Variants in ZBTB38 observed in about 807,000 individuals in gnomAD.
ZBTB38 encodes zinc finger and BTB domain-containing protein 38.
ZBTB38 carries 20 observed loss-of-function variants against 76.8 expected under a neutral mutation model. The observed-to-expected ratio is 0.26, with a 90% CI of 0.18 to 0.38. The LOEUF (loss-of-function observed/expected upper bound fraction) is 0.38, where lower values mean the gene tolerates loss of function less well. Ranked by LOEUF, ZBTB38 falls within the 10% of genes least tolerant of loss-of-function variation. The pLI, the probability that ZBTB38 is intolerant of heterozygous loss-of-function variation, is 1.00. For synonymous variants in ZBTB38, 504 were observed against 544.2 expected, an observed-to-expected ratio of 0.93 and a Z score of 1.03; for missense variants, 1,082 against 1,482.3, an observed-to-expected ratio of 0.73 and a Z score of 4.43.
At chr3:141,337,582 A>G (rs1943051523) in intron 1 of ZBTB38, among the ~76,000 whole-genome samples, 1 of 152,250 alleles carries the variant, frequency 6.6e-6, no homozygotes, top group African/African-American at 2.4e-5. Context: ...CTGCACTGAA[A>G]TGGATTCATT....
intron 5 of ZBTB38, among the ~76,000 whole-genome samples, chr3:141,416,209 G>A (rs2074013803): frequency 6.6e-6 from 1 of 152,248 alleles, no homozygotes; most frequent in African/African-American, 2.4e-5. Flanking sequence ...CAGAATCTTA[G>A]AGAGGAAATT....
At chr3:141,393,598 CA>C (rs1045133732) in intron 4 of ZBTB38, among the ~76,000 whole-genome samples, 1 of 152,064 alleles carries the variant, frequency 6.6e-6, no homozygotes, top group African/African-American at 2.4e-5. Flanking sequence ...ATCTGGGAAG[CA>C]AAATGGGGAG....
intron 5 of ZBTB38, among the ~76,000 whole-genome samples, chr3:141,404,621 G>A (rs929540444): frequency 2.0e-5 from 3 of 152,118 alleles, no homozygotes; most frequent in African/African-American, 4.8e-5. Flanking sequence ...ACCATTTGTC[G>A]AGCATTTGTG....
chr3:141,335,954 A>C (rs2148893114), intron 1 of ZBTB38, among the ~76,000 whole-genome samples: 1 of 152,340 alleles, frequency 6.6e-6, no homozygotes. Context: ...CACAAGTGTC[A>C]AAGGGTATGA....
chr3:141,346,782 T>TTTTTTGTGTGTGTG (rs150173767), intron 1 of ZBTB38, among the ~76,000 whole-genome samples: 2,791 of 144,628 alleles, frequency 0.019, 41 homozygotes, highest in Non-Finnish European at 0.029. Flanking sequence ...TTGTTTTGTT[T>TTTTTTGTGTGTGTG]TGTGTGTGTG....
intron 1 of ZBTB38, among the ~76,000 whole-genome samples, chr3:141,340,442 G>C (rs1943139185): frequency 6.6e-6 from 1 of 152,096 alleles, no homozygotes; most frequent in African/African-American, 2.4e-5. Context: ...AGACGACTAA[G>C]AAGACAATTC....
chr3:141,330,754 T>A (rs973105610), intron 1 of ZBTB38, among the ~76,000 whole-genome samples: 5 of 152,192 alleles, frequency 3.3e-5, no homozygotes, highest in African/African-American at 9.6e-5. Flanking sequence ...AGTGGATTAA[T>A]CCATTCATGG....
At chr3:141,414,968 T>G (rs1335977466) in intron 5 of ZBTB38, among the ~76,000 whole-genome samples, 1 of 152,146 alleles carries the variant, frequency 6.6e-6, no homozygotes, top group Non-Finnish European at 1.5e-5. Flanking sequence ...CCTTTCTTTC[T>G]CGGTGCTGAG....
chr3:141,360,738 G>A (rs1377233522), intron 1 of ZBTB38, among the ~76,000 whole-genome samples: 2 of 152,048 alleles, frequency 1.3e-5, no homozygotes, highest in East Asian at 1.9e-4. Flanking sequence ...TGTTGGGGTC[G>A]GGGGGCTGTC....
chr3:141,388,734 A>G (rs756823786), intron 4 of ZBTB38: 1 of 152,218 alleles, frequency 6.6e-6, no homozygotes, highest in Non-Finnish European at 1.5e-5. Flanking sequence ...TTCCTCTCAT[A>G]TAGAATCTGA....
chr3:141,394,581 G>C (rs966681841), intron 4 of ZBTB38: 4 of 152,170 alleles, frequency 2.6e-5, no homozygotes, highest in African/African-American at 9.7e-5. Flanking sequence ...CCCAAAGTCA[G>C]GTTGCCCACT....
chr3:141,383,902 G>A (rs1168140857), intron 3 of ZBTB38, among the ~76,000 whole-genome samples: 1 of 152,228 alleles, frequency 6.6e-6, no homozygotes. Context: ...CGAGGAGGCT[G>A]ATGAGAAGCA....
chr3:141,435,635 C>T (rs1256520817), intron 5 of ZBTB38, among the ~76,000 whole-genome samples: 1 of 151,998 alleles, frequency 6.6e-6, no homozygotes, highest in Non-Finnish European at 1.5e-5. Context: ...TGGCACACAC[C>T]TGTAATCCCA....
chr3:141,334,465 C>T (rs1308821773), intron 1 of ZBTB38, among the ~76,000 whole-genome samples: 4 of 146,324 alleles, frequency 2.7e-5, no homozygotes, highest in Non-Finnish European at 6.0e-5. Context: ...TCCTTCCTTC[C>T]TTCCTTCCTT....
intron 5 of ZBTB38, among the ~76,000 whole-genome samples, chr3:141,409,180 G>A (rs932506788): frequency 1.3e-5 from 2 of 152,236 alleles, no homozygotes; most frequent in East Asian, 3.8e-4. Context: ...CAAGTAGCTG[G>A]CATTACAGGC....
At chr3:141,402,325 G>T (rs1000920983) in intron 4 of ZBTB38, 1 of 151,774 alleles carries the variant, frequency 6.6e-6, no homozygotes, top group Non-Finnish European at 1.5e-5. Context: ...GGGCCGGGCC[G>T]GCAGAGCCGA....
intron 5 of ZBTB38, among the ~76,000 whole-genome samples, chr3:141,431,341 A>AAAAAAAAAAAAAAATATATATATAT: frequency 1.9e-5 from 2 of 103,284 alleles, no homozygotes; most frequent in African/African-American, 6.0e-5. Flanking sequence ...AAAAAAAAAA[A>AAAAAAAAAAAAAAATATATATATAT]ATATATATAT....
At chr3:141,426,096 TG>T in intron 5 of ZBTB38, 2 of 1,270,740 alleles carry the variant, frequency 1.6e-6, no homozygotes. Context: ...GTTTGGAGTA[TG>T]GGCATGTCAC....
chr3:141,325,099 T>A (rs1020142564), intron 1 of ZBTB38, among the ~76,000 whole-genome samples: 78 of 152,318 alleles, frequency 5.1e-4, no homozygotes, highest in African/African-American at 1.8e-3. Flanking sequence ...TATGGATAAA[T>A]GCAAGCTGAT....
Sources: gnomAD v4.1 joint callset for allele counts (sites outside exome capture counted in the v4.1 genomes callset) on GRCh38, gnomAD v4.1.1 for gene constraint, MANE v1.5 for transcripts, NCBI Gene and HGNC (gene_info 2026-07-23, HGNC 2026-07-21) for gene names.